Variants in TENM4 observed in about 807,000 individuals in gnomAD.
TENM4 encodes the protein teneurin-4.
A neutral mutation model predicts 243.3 loss-of-function variants in TENM4; 82 were observed. That is an observed-to-expected ratio of 0.34 (90% CI 0.28 to 0.40). The LOEUF (loss-of-function observed/expected upper bound fraction) is 0.40. Among genes scored for constraint, TENM4 ranks in the 10% least tolerant of loss-of-function variants. TENM4 has a pLI of 1.00. For missense variants in TENM4, 3,138 were observed against 3,673.3 expected (o/e 0.85, Z 3.77); for synonymous variants, 1,412 against 1,456.3 (o/e 0.97, Z 0.69).
At chr11:78,725,026 T>C (rs903676775) in intron 23 of TENM4, among the ~76,000 whole-genome samples, 3 of 152,174 alleles carry the variant, frequency 2.0e-5, no homozygotes, top group African/African-American at 7.2e-5. Flanking sequence ...GAAGCAAACT[T>C]TATTTCCAAT....
intron 18 of TENM4, 61 bp downstream of exon 18, chr11:78,770,931 C>T (rs2135994140): frequency 6.5e-7 from 1 of 1,542,958 alleles, no homozygotes; most frequent in East Asian, 2.4e-5. Flanking sequence ...AATATCCATT[C>T]TCCACTCTGG....
chr11:79,124,419 C>T (rs771457952), intron 4 of TENM4, among the ~76,000 whole-genome samples: 1 of 152,048 alleles, frequency 6.6e-6, no homozygotes, highest in Non-Finnish European at 1.5e-5. Context: ...ACTGGCCTAG[C>T]CTCCCAGCCT....
At chr11:79,073,962 T>C (rs143791959) in intron 4 of TENM4, among the ~76,000 whole-genome samples, 434 of 151,998 alleles carry the variant, frequency 2.9e-3, no homozygotes, top group South Asian at 6.4e-3. Context: ...AGAAACGTTT[T>C]AGGCTGTTAA....
At chr11:79,236,609 G>T (rs1321506100) in intron 2 of TENM4, among the ~76,000 whole-genome samples, 1 of 152,168 alleles carries the variant, frequency 6.6e-6, no homozygotes, top group East Asian at 1.9e-4. Context: ...TGTACAGCAG[G>T]ACTTGGCTCA....
intron 19 of TENM4, among the ~76,000 whole-genome samples, chr11:78,755,454 C>T (rs1385037783): frequency 6.6e-6 from 1 of 152,166 alleles, no homozygotes; most frequent in East Asian, 1.9e-4. Context: ...CAGGCATGAG[C>T]CACTGCGCCC....
intron 14 of TENM4, among the ~76,000 whole-genome samples, chr11:78,810,323 A>G (rs1324387510): frequency 6.6e-6 from 1 of 152,220 alleles, no homozygotes; most frequent in East Asian, 1.9e-4. Flanking sequence ...AAAGTTCCAG[A>G]CATTTTTTTC....
At chr11:78,770,891 A>T in intron 18 of TENM4, 101 bp downstream of exon 18, 1 of 1,465,006 alleles carries the variant, frequency 6.8e-7, no homozygotes, top group Non-Finnish European at 9.1e-7. Flanking sequence ...TGACTGGATG[A>T]CTGGTGTGTT....
intron 6 of TENM4, among the ~76,000 whole-genome samples, chr11:78,971,040 T>G (rs1857534407): frequency 6.6e-6 from 1 of 152,120 alleles, no homozygotes; most frequent in Non-Finnish European, 1.5e-5. Flanking sequence ...AGAGCTGAGA[T>G]CTCTCTGTGT....
chr11:79,331,640 A>AGCATCCC (rs11282606), intron 1 of TENM4, among the ~76,000 whole-genome samples: 63,588 of 151,596 alleles, frequency 0.42, 13,517 homozygotes, highest in South Asian at 0.6. Flanking sequence ...CAGGAGGGAA[A>AGCATCCC]CTCAACTCAC....
At chr11:78,768,063 G>A (rs886098717) in intron 18 of TENM4, among the ~76,000 whole-genome samples, 1 of 152,288 alleles carries the variant, frequency 6.6e-6, no homozygotes, top group African/African-American at 2.4e-5. Flanking sequence ...AACTGCCCCC[G>A]TTTGGCCAAG....
chr11:78,814,481 G>T, intron 12 of TENM4, 86 bp from the exon 13 acceptor site: 1 of 1,157,440 alleles, frequency 8.6e-7, no homozygotes, highest in Non-Finnish European at 1.2e-6. Flanking sequence ...GGTTAGCCAA[G>T]ACCCACATAT....
At chr11:79,275,193 A>G in intron 2 of TENM4, among the ~76,000 whole-genome samples, 1 of 152,036 alleles carries the variant, frequency 6.6e-6, no homozygotes. Context: ...CAATCCTCAA[A>G]GAAGTTAGAA....
At chr11:78,708,559 A>T in intron 26 of TENM4, 44 bp from the exon 27 acceptor site, 1 of 1,601,082 alleles carries the variant, frequency 6.2e-7, no homozygotes, top group Non-Finnish European at 8.5e-7. Flanking sequence ...ATCAGAGATG[A>T]CAATGACCCG....
At chr11:78,809,877 T>C (rs927424766) in intron 14 of TENM4, among the ~76,000 whole-genome samples, 1 of 152,200 alleles carries the variant, frequency 6.6e-6, no homozygotes, top group Non-Finnish European at 1.5e-5. Flanking sequence ...AAAAATGCCA[T>C]GCTTCAGTGA....
intron 6 of TENM4, among the ~76,000 whole-genome samples, chr11:79,034,588 A>T (rs115405081): frequency 0.12 from 18,188 of 150,468 alleles, 2,416 homozygotes; most frequent in African/African-American, 0.34. Context: ...AATTAAAAAA[A>T]ATTTTTTTTT....
chr11:78,727,302 C>A (rs1855537744), intron 22 of TENM4, among the ~76,000 whole-genome samples: 1 of 151,860 alleles, frequency 6.6e-6, no homozygotes, highest in South Asian at 2.1e-4. Flanking sequence ...CAAAAATTAG[C>A]CGGGTGTGGT....
chr11:78,767,603 A>T (rs1856565047), intron 18 of TENM4, among the ~76,000 whole-genome samples: 1 of 152,154 alleles, frequency 6.6e-6, no homozygotes, highest in South Asian at 2.1e-4. Flanking sequence ...CTGTCTGTAA[A>T]CATGCAGGAG....
intron 6 of TENM4, among the ~76,000 whole-genome samples, chr11:78,948,372 G>C (rs1382625805): frequency 6.8e-6 from 1 of 147,556 alleles, no homozygotes; most frequent in African/African-American, 2.5e-5. Context: ...CTTCCCAACT[G>C]TCTTTTTTTT....
At chr11:79,327,568 T>G (rs1198460004) in intron 1 of TENM4, among the ~76,000 whole-genome samples, 1 of 150,412 alleles carries the variant, frequency 6.6e-6, no homozygotes, top group African/African-American at 2.4e-5. Context: ...ATTTTACAGA[T>G]AAGAAAACTG....
Sources: gnomAD v4.1 joint callset for allele counts (sites outside exome capture counted in the v4.1 genomes callset) on GRCh38, gnomAD v4.1.1 for gene constraint, MANE v1.5 for transcripts, NCBI Gene and HGNC (gene_info 2026-07-23, HGNC 2026-07-21) for gene names.